The following TYR variants were observed in gnomAD, a reference collection of about 807,000 sequenced individuals.
The protein encoded by TYR is tyrosinase, also known as LB24-AB.
Under a neutral mutation model 51.5 loss-of-function variants are expected in TYR, and 58 were observed. The ratio of observed to expected loss-of-function variants is 1.13; its 90% CI spans 0.91 to 1.40. The LOEUF (loss-of-function observed/expected upper bound fraction) is 1.40, where lower values mean the gene tolerates loss of function less well. Among genes scored for constraint, TYR ranks in the 40% most tolerant of loss-of-function variants. TYR has a pLI of 0.00. For missense variants in TYR, 732 were observed against 647.4 expected, an observed-to-expected ratio of 1.13 and a Z score of -1.42; for synonymous variants, 263 against 235.2, an observed-to-expected ratio of 1.12 and a Z score of -1.08.
chr11:89,276,910 C>T (rs2135318751), intron 3 of TYR, among the ~76,000 whole-genome samples: 1 of 151,816 alleles, frequency 6.6e-6, no homozygotes, highest in South Asian at 2.1e-4. Flanking sequence ...TAACTGTGAC[C>T]TTTGGATTCA....
At chr11:89,216,645 C>A (rs1410451294) in intron 2 of TYR, among the ~76,000 whole-genome samples, 5 of 62,972 alleles carry the variant, frequency 7.9e-5, no homozygotes, top group Admixed American at 3.4e-4. Context: ...GTTTTTCCAT[C>A]TCAAAAAAAA....
intron 3 of TYR, among the ~76,000 whole-genome samples, chr11:89,241,832 T>A (rs1478118052): frequency 2.0e-4 from 30 of 148,210 alleles, no homozygotes; most frequent in Non-Finnish European, 4.3e-4. Flanking sequence ...ACTATACATA[T>A]ATATATTTCA....
chr11:89,255,323 A>G (rs1409573388), intron 3 of TYR, among the ~76,000 whole-genome samples: 1 of 151,734 alleles, frequency 6.6e-6, no homozygotes, highest in Non-Finnish European at 1.5e-5. Flanking sequence ...AGTATCTCTT[A>G]AGCCCATTTG....
At chr11:89,205,083 A>C (rs988381096) in intron 2 of TYR, among the ~76,000 whole-genome samples, 1 of 152,186 alleles carries the variant, frequency 6.6e-6, no homozygotes, top group African/African-American at 2.4e-5. Flanking sequence ...CACAAAGAAC[A>C]AAACAAAATT....
At chr11:89,200,035 T>A (rs1234200851) in intron 2 of TYR, among the ~76,000 whole-genome samples, 6 of 152,208 alleles carry the variant, frequency 3.9e-5, no homozygotes, top group Non-Finnish European at 1.5e-5. Context: ...CAATACATAT[T>A]GCAAATAAAA....
intron 3 of TYR, among the ~76,000 whole-genome samples, chr11:89,241,867 T>G (rs1303073717): frequency 6.7e-6 from 1 of 149,308 alleles, no homozygotes; most frequent in East Asian, 1.9e-4. Context: ...TGAAATTGTC[T>G]CACTACAATT....
chr11:89,259,808 T>C (rs1944436404), intron 3 of TYR, among the ~76,000 whole-genome samples: 1 of 152,126 alleles, frequency 6.6e-6, no homozygotes, highest in Non-Finnish European at 1.5e-5. Context: ...CAGAACCATA[T>C]GTAACTTCTT....
Position 89,216,639 on chromosome 11 carries a change from T to C in TYR, c.1037-11184T>C, listed in dbSNP as rs1259226187. ...CTGCACTCCAGCCTGGATGGAGTTTTTCCATCTCAAAAAAAAAAAAAAAAA... is the reference window on the plus strand; with the variant it reads ...CTGCACTCCAGCCTGGATGGAGTTTCTCCATCTCAAAAAAAAAAAAAAAAA... On this transcript the variant is annotated intron_variant, in intron 2 of 4. Coordinates refer to ENST00000263321, the MANE Select transcript of TYR (RefSeq NM_000372.5). Among the ~76,000 whole-genome samples, 3 of 111,618 alleles carry C rather than the reference T, an allele frequency of 2.7e-5. No homozygotes were observed. In the East Asian group the frequency reaches 6.4e-4, roughly 24 times the overall value. 73.2% of individuals were successfully genotyped at this position (111,618 alleles called of 152,430 possible). A position where few individuals can be genotyped will look rare whatever the true frequency, so the allele number is the denominator to read the frequency against.
At chr11:89,210,354 G>T (rs1012544900) in intron 2 of TYR, among the ~76,000 whole-genome samples, 15 of 111,954 alleles carry the variant, frequency 1.3e-4, no homozygotes, top group African/African-American at 8.2e-4. Context: ...TCAATCAAGA[G>T]GAAGAAAGGA....
At chr11:89,293,054 T>C (rs1206791936) in intron 4 of TYR, among the ~76,000 whole-genome samples, 1 of 152,180 alleles carries the variant, frequency 6.6e-6, no homozygotes, top group African/African-American at 2.4e-5. Context: ...TTATTCCTTT[T>C]AGGAATTTTA....
In TYR at chr11:89,227,873, C is replaced by T. The variant is rs1305020343; in HGVS notation, c.1087C>T (p.His363Tyr). 1 of 1,613,326 alleles carries T rather than the reference C, an allele frequency of 6.2e-7. No homozygotes were observed. Among genetic ancestry groups the T allele is most frequent in the Admixed American group, 1.7e-5 (1 of 59,896 alleles). The change falls in exon 3 of 5, where the codon CAC becomes TAC. Residue 363 changes from histidine to tyrosine, a missense_variant. By Grantham distance (83) the His-to-Tyr change is moderately conservative. Coordinates refer to ENST00000263321, the MANE Select transcript of TYR (RefSeq NM_000372.5). Reference sequence around the variant, plus strand: ...AGCGGATGCCTCTCAAAGCAGCATGCACAATGCCTTGCACATCTATATGAA... The same window carrying T: ...AGCGGATGCCTCTCAAAGCAGCATGTACAATGCCTTGCACATCTATATGAA... ...GIADASQSSM[H>Y]NALHIYMNGT... is the part of the protein sequence containing the mutation.
chr11:89,248,021 C>T (rs1232860252), intron 3 of TYR, among the ~76,000 whole-genome samples: 1 of 152,088 alleles, frequency 6.6e-6, no homozygotes, highest in Non-Finnish European at 1.5e-5. Context: ...ATCAGACATG[C>T]CTCATTTTGA....
chr11:89,271,233 T>A (rs2135314772), intron 3 of TYR, among the ~76,000 whole-genome samples: 1 of 152,016 alleles, frequency 6.6e-6, no homozygotes, highest in Admixed American at 6.6e-5. Flanking sequence ...TCCCTTGTAG[T>A]AAGTACTATT....
chr11:89,182,774 A>G (rs543713816), intron 1 of TYR, among the ~76,000 whole-genome samples: 76 of 152,250 alleles, frequency 5.0e-4, no homozygotes, highest in African/African-American at 1.7e-3. Context: ...CCCATGCTCA[A>G]TATAATTAGA....
At chr11:89,293,365 ACACAC>A (rs1565426391) in intron 4 of TYR, among the ~76,000 whole-genome samples, 1 of 150,658 alleles carries the variant, frequency 6.6e-6, no homozygotes, top group Non-Finnish European at 1.5e-5. Flanking sequence ...ACACACACAC[ACACAC>A]AACCCAGAAT....
chr11:89,280,049 T>C (rs959089778), intron 3 of TYR, among the ~76,000 whole-genome samples: 3 of 151,736 alleles, frequency 2.0e-5, no homozygotes, highest in Non-Finnish European at 4.4e-5. Flanking sequence ...CTTCCAGCTT[T>C]AGCCTTTAGG....
chr11:89,219,378 C>T (rs1328003311), intron 2 of TYR, among the ~76,000 whole-genome samples: 2 of 151,008 alleles, frequency 1.3e-5, no homozygotes, highest in African/African-American at 4.9e-5. Flanking sequence ...CTCTCTGCAA[C>T]CTGTGTCTCC....
chr11:89,231,580 T>G (rs905200975), intron 3 of TYR, among the ~76,000 whole-genome samples: 3 of 142,206 alleles, frequency 2.1e-5, no homozygotes, highest in Non-Finnish European at 4.5e-5. Flanking sequence ...ATTTGTGGAG[T>G]CAAAAGAAAA....
intron 4 of TYR, among the ~76,000 whole-genome samples, chr11:89,292,658 A>G (rs1247163996): frequency 3.9e-5 from 6 of 152,180 alleles, no homozygotes; most frequent in Admixed American, 1.3e-4. Context: ...TCTGATTACT[A>G]CCAAGTTATT....
Sources: allele counts gnomAD v4.1 joint callset (sites outside exome capture counted in the v4.1 genomes callset), GRCh38; gene constraint gnomAD v4.1.1; transcripts MANE v1.5; gene names NCBI Gene and HGNC (gene_info 2026-07-23, HGNC 2026-07-21).